Variants in PIK3R3 observed in about 807,000 individuals in gnomAD.
The protein encoded by PIK3R3 is phosphatidylinositol 3-kinase regulatory subunit gamma.
A neutral mutation model predicts 62.9 loss-of-function variants in PIK3R3; 64 were observed. The ratio of observed to expected loss-of-function variants is 1.02; its 90% CI spans 0.83 to 1.25. The LOEUF is 1.25. Ranked by LOEUF, PIK3R3 falls within the 50% of genes most tolerant of loss-of-function variation. The pLI, the probability that PIK3R3 is intolerant of heterozygous loss-of-function variation, is 0.00. For synonymous variants in PIK3R3, 165 were observed against 189.0 expected (o/e 0.87, Z 1.04); for missense variants, 614 against 561.6 (o/e 1.09, Z -0.94).
upstream of PIK3R3, chr1:46,132,879 A>C: frequency 8.4e-7 from 1 of 1,192,210 alleles, no homozygotes. Context: ...CGGCTCCCCA[A>C]TCAGCCATCC....
rs753838751 is a variant in PIK3R3 at position 46,131,831 on chromosome 1, T to C, written c.106+16A>G. ...CAGACCCATCACGAGATTCTTTTTT[T>C]TTTTCTCCCAAGTACCTGGAGGATC... is the stretch of plus-strand genomic sequence containing the variant. On this transcript the variant is annotated intron_variant, in intron 1 of 9. Transcript: ENST00000262741. 6.2e-7 allele frequency: 1 copy of C among 1,610,400 alleles called. No individual in the cohort carries two copies. Among genetic ancestry groups the C allele is most frequent in the Non-Finnish European group, 8.5e-7 (1 of 1,177,092 alleles).
chr1:46,065,310 A>C (rs1039010207), intron 5 of PIK3R3, among the ~76,000 whole-genome samples: 2 of 152,244 alleles, frequency 1.3e-5, no homozygotes, highest in African/African-American at 4.8e-5. Flanking sequence ...CTAGGAAAGA[A>C]ACTAGATTAT....
At chr1:46,157,725 G>A in the PIK3R3 span, among the ~76,000 whole-genome samples, 173 of 152,322 alleles carry the variant, frequency 1.1e-3, 1 homozygote, top group African/African-American at 3.9e-3. Context: ...CAGAAAGTTG[G>A]TCTTTGAAGG....
intron 1 of PIK3R3, among the ~76,000 whole-genome samples, chr1:46,081,076 G>A (rs1315261563): frequency 6.6e-6 from 1 of 152,080 alleles, no homozygotes; most frequent in Admixed American, 6.5e-5. Context: ...TGTACAACAT[G>A]AGGATTATAG....
intron 1 of PIK3R3, among the ~76,000 whole-genome samples, chr1:46,120,316 G>A (rs984742295): frequency 2.0e-5 from 3 of 152,178 alleles, no homozygotes; most frequent in Non-Finnish European, 2.9e-5. Context: ...GGTGGCTCAC[G>A]CCTGTAATCC....
chr1:46,129,776 C>G (rs1655419209), intron 1 of PIK3R3, among the ~76,000 whole-genome samples: 1 of 152,162 alleles, frequency 6.6e-6, no homozygotes, highest in African/African-American at 2.4e-5. Context: ...AATGTTTCAG[C>G]ATACTCAAGT....
intron 1 of PIK3R3, among the ~76,000 whole-genome samples, chr1:46,100,745 C>T (rs1652583423): frequency 6.6e-6 from 1 of 152,044 alleles, no homozygotes. Context: ...ATATGGTATC[C>T]CAATTACATC....
intron 1 of PIK3R3, among the ~76,000 whole-genome samples, chr1:46,111,671 G>A (rs931477227): frequency 6.6e-6 from 1 of 152,026 alleles, no homozygotes; most frequent in Non-Finnish European, 1.5e-5. Context: ...ATTGCAGTGA[G>A]CTGAGATCAC....
chr1:46,067,221 G>A, intron 3 of PIK3R3, 130 bp from the exon 4 acceptor site: 2 of 434,834 alleles, frequency 4.6e-6, no homozygotes, highest in Non-Finnish European at 8.2e-6. Context: ...GAGGCTGGAA[G>A]GAGTGAAAAG....
chr1:46,090,751 T>C (rs1213567714), intron 1 of PIK3R3, among the ~76,000 whole-genome samples: 2 of 152,260 alleles, frequency 1.3e-5, no homozygotes, highest in African/African-American at 4.8e-5. Flanking sequence ...ACTATGCTTT[T>C]AAGAAACATC....
rs1557589758 is a variant in PIK3R3, at chr1:46,080,728, C to CT, written c.128dup (p.Pro44AlafsTer34). On this transcript the variant is annotated frameshift_variant, in exon 2 of 10. Coordinates refer to ENST00000262741, the MANE Select transcript of PIK3R3 (RefSeq NM_003629.4). LOFTEE classifies it high-confidence loss of function. ...CATTTGGAACTGCTGAAGTCATTGG[C>CT]TTAGGTGGCTTTGGTGGAAGAGCTA... 6.2e-7 allele frequency: 1 copy of CT among 1,613,072 alleles called. No homozygotes were observed. The highest frequency in any genetic ancestry group is 1.3e-5 in the African/African-American group (1 of 74,998).
chr1:46,122,524 C>T (rs1488367018), intron 1 of PIK3R3, among the ~76,000 whole-genome samples: 5 of 152,068 alleles, frequency 3.3e-5, no homozygotes, highest in Admixed American at 6.6e-5. Context: ...CGCGCCACCA[C>T]GCCTGGCTAA....
chr1:46,132,160 T>C lies in PIK3R3; in HGVS notation c.-208A>G. ...AACACAACAAAATGCCCCCGAACTT[T>C]CAAGCTATGGGCTTTTCTCCTCAGA... On this transcript the variant is annotated 5_prime_UTR_variant, in exon 1 of 10. Coordinates refer to ENST00000262741, the MANE Select transcript of PIK3R3 (RefSeq NM_003629.4). The C allele has an allele frequency of 5.2e-6, 7 of 1,342,932 alleles. No homozygotes were observed. The highest frequency in any genetic ancestry group is 6.7e-6 in the Non-Finnish European group (7 of 1,045,208). The allele number at this position is 1,342,932 out of a possible 1,614,324, so 83.2% of individuals were successfully genotyped here.
the PIK3R3 span, among the ~76,000 whole-genome samples, chr1:46,153,306 A>C: frequency 6.6e-6 from 1 of 152,178 alleles, no homozygotes; most frequent in Non-Finnish European, 1.5e-5. Flanking sequence ...ACCCTACCTC[A>C]AAGTGTCCTT....
chr1:46,125,338 C>T (rs769356605), intron 1 of PIK3R3, among the ~76,000 whole-genome samples: 4 of 151,842 alleles, frequency 2.6e-5, no homozygotes, highest in African/African-American at 4.8e-5. Flanking sequence ...TTGTCCCAAA[C>T]GACAATATCA....
chr1:46,132,700 C>G (rs1655740586), upstream of PIK3R3: 3 of 1,289,552 alleles, frequency 2.3e-6, no homozygotes, highest in Non-Finnish European at 3.0e-6. Context: ...GCTGCCCACC[C>G]GCTGAGGCGC....
At chr1:46,075,633 A>T (rs954025227) in intron 3 of PIK3R3, among the ~76,000 whole-genome samples, 1 of 151,988 alleles carries the variant, frequency 6.6e-6, no homozygotes, top group Non-Finnish European at 1.5e-5. Flanking sequence ...AAAAAAAAAA[A>T]AATTACCTTC....
At chr1:46,067,253 CATATAT>C (rs71307629) in intron 3 of PIK3R3, among the ~76,000 whole-genome samples, 162 bp from the exon 4 acceptor site, 20 of 130,344 alleles carry the variant, frequency 1.5e-4, no homozygotes, top group East Asian at 6.9e-4. Context: ...TGTGTGTGAA[CATATAT>C]ATATATATAT....
intron 1 of PIK3R3, among the ~76,000 whole-genome samples, chr1:46,097,044 C>CA (rs1307345391): frequency 5.3e-5 from 8 of 149,746 alleles, no homozygotes; most frequent in African/African-American, 1.5e-4. Context: ...TGAACACGGA[C>CA]AAAAAAATCC....
Sources: gnomAD v4.1 joint callset for allele counts (sites outside exome capture counted in the v4.1 genomes callset) on GRCh38, gnomAD v4.1.1 for gene constraint, MANE v1.5 for transcripts, NCBI Gene and HGNC (gene_info 2026-07-23, HGNC 2026-07-21) for gene names.